SMS: variants seen among roughly 807,000 people sequenced by gnomAD.
SMS encodes spermine synthase, also known as spermidine aminopropyltransferase.
A neutral mutation model predicts 33.0 loss-of-function variants in SMS; 3 were observed. The ratio of observed to expected loss-of-function variants is 0.09; its 90% confidence interval spans 0.04 to 0.23. SMS has a LOEUF of 0.23. Ranked by LOEUF, SMS falls within the 10% of genes least tolerant of loss-of-function variation. The pLI is 1.00. For missense variants in SMS, 117 were observed against 288.6 expected (o/e 0.41, Z 4.31); for synonymous variants, 103 against 112.2 (o/e 0.92, Z 0.52).
intron 1 of SMS, among the ~76,000 whole-genome samples, chrX:21,952,616 A>G (rs1443833934): frequency 9.0e-6 from 1 of 110,946 alleles, no homozygotes; most frequent in Non-Finnish European, 1.9e-5. Flanking sequence ...TGGTATTAGC[A>G]TAATACTGGC....
chrX:21,969,262 T>G (rs149326571), intron 2 of SMS, among the ~76,000 whole-genome samples: 1,176 of 112,036 alleles, frequency 0.01, 20 homozygotes, highest in African/African-American at 0.036. Context: ...AGGCTTGTAT[T>G]TCTAACTGTG....
intron 1 of SMS, among the ~76,000 whole-genome samples, chrX:21,945,575 C>T (rs181962400): frequency 9.1e-6 from 1 of 109,546 alleles, no homozygotes; most frequent in African/African-American, 3.3e-5. Flanking sequence ...TGAAATAACC[C>T]AATCTTCAAA....
rs973626241 is a variant in SMS at position 21,984,351 on chromosome X, A to C, written c.798A>C (p.Glu266Asp). The C allele has an allele frequency of 3.3e-6, 4 of 1,198,214 alleles. No homozygotes were observed. The highest frequency in any genetic ancestry group is 4.5e-6 in the Non-Finnish European group (4 of 883,077). ...CGGTACTGAAGAGGTACGCCAAAGA[A>C]GGGAGAGAATTTGATTATGTGATTA... is the stretch of plus-strand genomic sequence containing the variant. The part of the protein sequence containing the change: ...CIPVLKRYAK[E>D]GREFDYVIND... Residue 266 changes from glutamate to aspartate, a missense_variant, in exon 8 of 11, where the codon GAA (glutamate) becomes GAC (aspartate). Glu to Asp is a conservative substitution (Grantham distance 45). Transcript: ENST00000404933.
At chrX:21,979,185 ATTC>A (rs1000840854) in intron 7 of SMS, among the ~76,000 whole-genome samples, 1 of 52,355 alleles carries the variant, frequency 1.9e-5, no homozygotes, top group African/African-American at 5.4e-5. Flanking sequence ...AATAAAATTA[ATTC>A]TTTTTTTTTT....
chrX:21,940,977 C>A, intron 1 of SMS, 104 bp downstream of exon 1: 1 of 304,451 alleles, frequency 3.3e-6, no homozygotes, highest in Non-Finnish European at 4.5e-6. Context: ...CCGAACAATG[C>A]GGGCGGCCCG....
At chrX:21,959,656 C>T (rs1162032657) in intron 1 of SMS, among the ~76,000 whole-genome samples, 1 of 112,799 alleles carries the variant, frequency 8.9e-6, no homozygotes, top group Admixed American at 9.4e-5. Context: ...AAGCAGCTAC[C>T]TGATTTCAAA....
At chrX:21,974,404 T>G (rs1924404280) in intron 4 of SMS, among the ~76,000 whole-genome samples, 1 of 111,950 alleles carries the variant, frequency 8.9e-6, no homozygotes, top group South Asian at 3.7e-4. Context: ...CCCAGCCATG[T>G]CTCTTACCCT....
chrX:21,964,359 T>C (rs1170750780), intron 1 of SMS, among the ~76,000 whole-genome samples: 2 of 110,872 alleles, frequency 1.8e-5, no homozygotes. Context: ...TCTTGGAGGC[T>C]CTTTCATTTT....
chrX:21,988,581 C>T (rs987854380), intron 9 of SMS, among the ~76,000 whole-genome samples: 2 of 105,267 alleles, frequency 1.9e-5, no homozygotes, highest in African/African-American at 3.5e-5. Flanking sequence ...AGGAGAATGG[C>T]GTGAACCCAG....
chrX:21,946,276 G>A (rs73635586), intron 1 of SMS, among the ~76,000 whole-genome samples: 17,564 of 111,568 alleles, frequency 0.16, 1,886 homozygotes, highest in African/African-American at 0.39. Flanking sequence ...CCTTTTAGGG[G>A]GTGTAGGTTT....
At position 21,991,201 on chromosome X, in the gene SMS, G is replaced by A. The variant is rs777651515; in HGVS notation, c.946-1396G>A. On this transcript the variant is annotated intron_variant, in intron 9 of 10. Coordinates refer to ENST00000404933, the MANE Select transcript of SMS (RefSeq NM_004595.5). ...AGTAACTTTTTTTTTTTCTGAATTGGAGTTTCGCTCTTGTTGCCCCGGCTG... is the reference window on the plus strand; with the variant it reads ...AGTAACTTTTTTTTTTTCTGAATTGAAGTTTCGCTCTTGTTGCCCCGGCTG... Among the ~76,000 whole-genome samples the A allele has an allele frequency of 9.0e-5, 10 of 111,098 alleles. 1 individual carries two copies. Among genetic ancestry groups the A allele is most frequent in the Non-Finnish European group, 1.9e-4 (10 of 52,974 alleles).
rs1923808543 is a variant in SMS, at chrX:21,967,374, C to T, written c.170+58C>T. The T allele has an allele frequency of 3.4e-6, 4 of 1,162,213 alleles. No individual in the cohort carries two copies. In the Admixed American group the frequency reaches 6.6e-5, roughly 19 times the overall value. ...GGTCACTTATGAGCAGAGAGGGTGACAGAGTGGAGGATGGGGGTGGCATCC... is the reference window on the plus strand; with the variant it reads ...GGTCACTTATGAGCAGAGAGGGTGATAGAGTGGAGGATGGGGGTGGCATCC... On this transcript the variant is annotated intron_variant, in intron 2 of 10. Coordinates refer to ENST00000404933, the MANE Select transcript of SMS (RefSeq NM_004595.5).
intron 7 of SMS, among the ~76,000 whole-genome samples, chrX:21,982,526 G>C (rs1370146265): frequency 9.0e-6 from 1 of 111,594 alleles, no homozygotes; most frequent in Non-Finnish European, 1.9e-5. Flanking sequence ...ATCAAAACCG[G>C]AACACACGGC....
At position 21,940,746 on chromosome X, in the gene SMS, G is replaced by T. The variant is rs1403853887; in HGVS notation, c.-79G>T. 1.1e-5 allele frequency: 9 copies of T among 852,315 alleles called. No individual in the cohort carries two copies. Among genetic ancestry groups the T allele is most frequent in the African/African-American group, 2.2e-5 (1 of 46,313 alleles). The allele number at this position is 852,315 out of a possible 1,213,427, so 70.2% of individuals were successfully genotyped here. Reference sequence around the variant, plus strand: ...CCCGGGCGCAGCACACTCCCAGCCGGCCGCAGCCTGACACGCCGCGCGGCC... The same window carrying T: ...CCCGGGCGCAGCACACTCCCAGCCGTCCGCAGCCTGACACGCCGCGCGGCC... On this transcript the variant is annotated 5_prime_UTR_variant, in exon 1 of 11. Transcript: ENST00000404933.
chrX:21,970,787 T>C (rs1924093287), intron 2 of SMS, among the ~76,000 whole-genome samples: 1 of 108,124 alleles, frequency 9.2e-6, no homozygotes, highest in African/African-American at 3.4e-5. Context: ...CTGTCTGTAT[T>C]CTCTGAACAG....
chrX:21,985,795 C>G (rs996599190), intron 9 of SMS, among the ~76,000 whole-genome samples: 3 of 111,338 alleles, frequency 2.7e-5, no homozygotes, highest in African/African-American at 9.8e-5. Context: ...ACAGGAAAAT[C>G]CCCTCCGCCA....
chrX:21,978,174 T>G, intron 6 of SMS, 60 bp downstream of exon 6: 1 of 1,075,024 alleles, frequency 9.3e-7, no homozygotes, highest in Non-Finnish European at 1.3e-6. Context: ...CTTCCTTCAG[T>G]GTCTCACAAC....
chrX:21,977,471 ATGCATT>A (rs1323291504), intron 5 of SMS, among the ~76,000 whole-genome samples: 1 of 111,261 alleles, frequency 9.0e-6, no homozygotes, highest in African/African-American at 3.3e-5. Context: ...TCAAAAGAAA[ATGCATT>A]TGCATATTTA....
intron 1 of SMS, among the ~76,000 whole-genome samples, chrX:21,944,544 A>AAAAAAAAAAAAAAAAAAAAGAAAAG (rs1555992699): frequency 4.6e-4 from 46 of 98,994 alleles, no homozygotes; most frequent in African/African-American, 9.1e-4. Flanking sequence ...AAAAAAAAAA[A>AAAAAAAAAAAAAAAAAAAAGAAAAG]AGAAAAAAAA....
Sources: gnomAD v4.1 joint callset for allele counts (sites outside exome capture counted in the v4.1 genomes callset) on GRCh38, gnomAD v4.1.1 for gene constraint, MANE v1.5 for transcripts, NCBI Gene and HGNC (gene_info 2026-07-23, HGNC 2026-07-21) for gene names.